TRIP12: variants seen among roughly 807,000 people sequenced by gnomAD.
TRIP12 encodes the protein E3 ubiquitin-protein ligase TRIP12.
Under a neutral mutation model 244.2 loss-of-function variants are expected in TRIP12, and 25 were observed. The observed-to-expected ratio is 0.10, with a 90% CI of 0.07 to 0.14. TRIP12 has a LOEUF of 0.14. Ranked by LOEUF, TRIP12 falls within the 10% of genes least tolerant of loss-of-function variation. The pLI is 1.00. For missense variants in TRIP12, 1,677 were observed against 2,486.4 expected, an observed-to-expected ratio of 0.67 and a Z score of 6.92; for synonymous variants, 905 against 873.1, an observed-to-expected ratio of 1.04 and a Z score of -0.64.
At chr2:229,883,312 T>C (rs1231792046) in intron 1 of TRIP12, among the ~76,000 whole-genome samples, 1 of 152,230 alleles carries the variant, frequency 6.6e-6, no homozygotes, top group Non-Finnish European at 1.5e-5. Flanking sequence ...GGCCAAAAGT[T>C]TTCTCTACGC....
chr2:229,777,501 A>G, intron 36 of TRIP12, 22 bp from the exon 37 acceptor site: 1 of 1,612,396 alleles, frequency 6.2e-7, no homozygotes, highest in South Asian at 1.1e-5. Flanking sequence ...TATGCATAAT[A>G]TTTTCACTGT....
At chr2:229,785,015 A>C (rs2039542588) in intron 34 of TRIP12, among the ~76,000 whole-genome samples, 1 of 152,254 alleles carries the variant, frequency 6.6e-6, no homozygotes, top group South Asian at 2.1e-4. Context: ...CAAAAACTGG[A>C]AACAACCCAA....
intron 37 of TRIP12, 145 bp downstream of exon 37, chr2:229,777,170 T>C (rs909689820): frequency 5.9e-6 from 5 of 853,964 alleles, no homozygotes; most frequent in Middle Eastern, 3.8e-4. Context: ...TGAAATCATA[T>C]GTCTTAGTTA....
rs1553639819 is a variant in TRIP12, at chr2:229,818,346, G to A, written c.1599+18C>T. ...GAGGACAAATGAGGTAAAAACGAGG[G>A]AAAAACATTATGCTTACCAAAGCTG... On this transcript the variant is annotated intron_variant, in intron 9 of 41. Transcript: ENST00000675903. 6.8e-6 allele frequency: 11 copies of A among 1,611,700 alleles called. No homozygotes were observed. The East Asian group carries it at 2.0e-4, about 29-fold the overall frequency.
chr2:229,775,048 G>A (rs1159771464), intron 37 of TRIP12, among the ~76,000 whole-genome samples: 1 of 152,000 alleles, frequency 6.6e-6, no homozygotes, highest in Non-Finnish European at 1.5e-5. Context: ...GAAGACAAAT[G>A]GCTTTCCAAA....
intron 38 of TRIP12, among the ~76,000 whole-genome samples, chr2:229,772,066 A>G (rs2154235222): frequency 6.6e-6 from 1 of 152,366 alleles, no homozygotes; most frequent in African/African-American, 2.4e-5. Flanking sequence ...AAATCCTGTG[A>G]AGTTCTTAGA....
At chr2:229,773,873 C>G in intron 38 of TRIP12, 1 of 387,516 alleles carries the variant, frequency 2.6e-6, no homozygotes, top group Non-Finnish European at 4.6e-6. Context: ...AGATAGCATT[C>G]AAGCCTGAGG....
chr2:229,860,995 G>A (rs948131014), intron 2 of TRIP12, among the ~76,000 whole-genome samples: 2 of 152,028 alleles, frequency 1.3e-5, no homozygotes, highest in Non-Finnish European at 2.9e-5. Context: ...TTAAAATTCA[G>A]GTAAACACAG....
chr2:229,879,145 G>T (rs2064295019), intron 2 of TRIP12, among the ~76,000 whole-genome samples: 1 of 152,054 alleles, frequency 6.6e-6, no homozygotes, highest in African/African-American at 2.4e-5. Context: ...CCAGCTACTT[G>T]GGGGACTGAG....
chr2:229,885,944 A>G (rs2065921686), intron 1 of TRIP12, among the ~76,000 whole-genome samples: 1 of 152,150 alleles, frequency 6.6e-6, no homozygotes, highest in African/African-American at 2.4e-5. Flanking sequence ...AGAACTGCAT[A>G]TAAGGCTCTC....
chr2:229,856,381 C>T (rs2059616578), intron 4 of TRIP12, among the ~76,000 whole-genome samples: 2 of 152,132 alleles, frequency 1.3e-5, no homozygotes, highest in Admixed American at 1.3e-4. Flanking sequence ...AATGACACTG[C>T]CAAAACTCTT....
At chr2:229,803,031 G>T (rs1423467304) in intron 20 of TRIP12, among the ~76,000 whole-genome samples, 1 of 152,190 alleles carries the variant, frequency 6.6e-6, no homozygotes, top group Admixed American at 6.5e-5. Flanking sequence ...GTGTGACTAA[G>T]AACTATCAAA....
intron 4 of TRIP12, among the ~76,000 whole-genome samples, chr2:229,847,432 A>T (rs562794649): frequency 2.6e-5 from 4 of 152,344 alleles, no homozygotes; most frequent in African/African-American, 9.6e-5. Flanking sequence ...TTCTGGGTAA[A>T]GACAGAAGAC....
At chr2:229,851,869 T>TA (rs1472976077) in intron 4 of TRIP12, among the ~76,000 whole-genome samples, 3 of 152,170 alleles carry the variant, frequency 2.0e-5, no homozygotes, top group Non-Finnish European at 4.4e-5. Context: ...TTAAGAGCTG[T>TA]AACACTCACC....
chr2:229,811,547 A>G (rs988455542), intron 13 of TRIP12, among the ~76,000 whole-genome samples: 3 of 152,194 alleles, frequency 2.0e-5, no homozygotes, highest in Non-Finnish European at 4.4e-5. Context: ...TAAAACCATT[A>G]CAAGTAGAAA....
chr2:229,790,257 T>C (rs1387927766), intron 30 of TRIP12, among the ~76,000 whole-genome samples: 3 of 152,186 alleles, frequency 2.0e-5, no homozygotes, highest in East Asian at 1.9e-4. Flanking sequence ...TCCTTTGTTA[T>C]TAGACTGCAT....
In TRIP12 at chr2:229,766,810, T is replaced by C. The variant is rs2031910232; in HGVS notation, c.*744A>G. On this transcript the variant is annotated 3_prime_UTR_variant, in exon 42 of 42. Coordinates refer to ENST00000675903, the MANE Select transcript of TRIP12 (RefSeq NM_001348323.3). ...CTGGAATTGCCATGTAAACAGTCCT[T>C]AGTGTGTCACCTGGGAAAAAGCCAG... The C allele has an allele frequency of 6.6e-6, 1 of 152,182 alleles. No individual in the cohort carries two copies. The highest frequency in any genetic ancestry group is 2.4e-5 in the African/African-American group (1 of 41,438). The allele number at this position is 152,182 out of a possible 1,614,324, so 9.4% of individuals were successfully genotyped here. A position where few individuals can be genotyped will look rare whatever the true frequency, so the allele number is the denominator to read the frequency against.
At position 229,788,826 on chromosome 2, in the gene TRIP12, T is replaced by A; in HGVS notation, c.4810A>T (p.Thr1604Ser). The A allele has an allele frequency of 6.2e-7, 1 of 1,614,016 alleles. No individual in the cohort carries two copies. The highest frequency in any genetic ancestry group is 1.1e-5 in the South Asian group (1 of 91,014). Reference sequence around the variant, plus strand: ...GTTTTTCCTAGCTCAGTAAGCCATGTTGGGATGTTTCCTGTCATGATTACT... The same window carrying A: ...GTTTTTCCTAGCTCAGTAAGCCATGATGGGATGTTTCCTGTCATGATTACT... ...PLVIMTGNIP[T>S]WLTELGKTCP... is the part of the protein sequence containing the mutation. The change falls in exon 32 of 42, where the codon ACA (threonine) becomes TCA (serine). Residue 1604 changes from threonine to serine, a missense_variant. Thr to Ser is a moderately conservative substitution (Grantham distance 58). This residue lies in a region of TRIP12 where 265 missense variants were observed against 370.8 expected (regional missense o/e 0.71). Coordinates refer to ENST00000675903, the MANE Select transcript of TRIP12 (RefSeq NM_001348323.3).
At chr2:229,771,464 A>G (rs1335269707) in intron 39 of TRIP12, 55 bp downstream of exon 39, 18 of 1,484,020 alleles carry the variant, frequency 1.2e-5, no homozygotes, top group Non-Finnish European at 1.6e-5. Flanking sequence ...GCAGCACAGA[A>G]ACACTCCACT....
Sources: gnomAD v4.1 joint callset for allele counts (sites outside exome capture counted in the v4.1 genomes callset) on GRCh38, gnomAD v4.1.1 for gene constraint, gnomAD v4.1.1 regional missense constraint, MANE v1.5 for transcripts, NCBI Gene and HGNC (gene_info 2026-07-23, HGNC 2026-07-21) for gene names.